The following LYN variants were observed in gnomAD, a reference collection of about 807,000 sequenced individuals.
LYN encodes the protein LYN proto-oncogene, Src family tyrosine kinase.
A neutral mutation model predicts 65.0 loss-of-function variants in LYN; 12 were observed. The ratio of observed to expected loss-of-function variants is 0.18; its 90% CI spans 0.12 to 0.30. LYN has a LOEUF of 0.30. Ranked by LOEUF, LYN falls within the 10% of genes least tolerant of loss-of-function variation. The probability of loss-of-function intolerance (pLI) is 1.00; values close to 1 mark genes in which losing one functional copy is unlikely to be tolerated. For synonymous variants in LYN, 222 were observed against 221.2 expected, an observed-to-expected ratio of 1.00 and a Z score of -0.03; for missense variants, 380 against 623.2, an observed-to-expected ratio of 0.61 and a Z score of 4.16.
chr8:55,932,113 G>A (rs1806287223), intron 1 of LYN, among the ~76,000 whole-genome samples: 1 of 152,062 alleles, frequency 6.6e-6, no homozygotes, highest in African/African-American at 2.4e-5. Context: ...CCTGAAATAA[G>A]GAAAGGAAGT....
At chr8:56,008,296 TC>T (rs911653726) in intron 12 of LYN, among the ~76,000 whole-genome samples, 3 of 152,114 alleles carry the variant, frequency 2.0e-5, no homozygotes, top group Non-Finnish European at 4.4e-5. Context: ...AAAAGCCATT[TC>T]CCCTGAAGCT....
At chr8:55,919,854 G>A (rs1289153299) in intron 1 of LYN, among the ~76,000 whole-genome samples, 1 of 151,386 alleles carries the variant, frequency 6.6e-6, no homozygotes, top group African/African-American at 2.4e-5. Context: ...AGGCAAAGAC[G>A]CTGCTTGGAG....
intron 1 of LYN, among the ~76,000 whole-genome samples, chr8:55,888,272 A>G (rs1804858503): frequency 6.6e-6 from 1 of 152,192 alleles, no homozygotes; most frequent in Non-Finnish European, 1.5e-5. Flanking sequence ...CTGAGGAAGG[A>G]CAGCCTGACT....
chr8:55,956,148 G>A (rs184023715), intron 8 of LYN, among the ~76,000 whole-genome samples: 6 of 151,602 alleles, frequency 4.0e-5, no homozygotes, highest in African/African-American at 1.5e-4. Flanking sequence ...TTCCTCCTTT[G>A]ATGTTTATAT....
chr8:55,938,056 A>G (rs1325308264), intron 1 of LYN, among the ~76,000 whole-genome samples: 1 of 152,222 alleles, frequency 6.6e-6, no homozygotes, highest in Non-Finnish European at 1.5e-5. Context: ...ATAAAATAAA[A>G]GAGGGATTAA....
chr8:55,914,420 A>G (rs568517534), intron 1 of LYN, among the ~76,000 whole-genome samples: 69 of 152,242 alleles, frequency 4.5e-4, no homozygotes, highest in Middle Eastern at 3.4e-3. Flanking sequence ...TGGAAGAAGA[A>G]AAAAGGAGAA....
chr8:55,896,452 A>T (rs927568567), intron 1 of LYN, among the ~76,000 whole-genome samples: 6 of 152,010 alleles, frequency 3.9e-5, no homozygotes, highest in Non-Finnish European at 7.4e-5. Context: ...GGAGCTGAAC[A>T]ATGAGAACAC....
intron 12 of LYN, among the ~76,000 whole-genome samples, chr8:56,002,274 C>T (rs1808534154): frequency 1.3e-5 from 2 of 152,032 alleles, no homozygotes; most frequent in South Asian, 4.1e-4. Flanking sequence ...AAACAATTAG[C>T]CAGGCGTGGT....
intron 1 of LYN, among the ~76,000 whole-genome samples, chr8:55,905,807 T>G (rs1285037302): frequency 2.6e-5 from 4 of 152,020 alleles, no homozygotes; most frequent in African/African-American, 9.7e-5. Context: ...GTGCATGAAG[T>G]CCCTTGCTCC....
chr8:55,911,068 T>C (rs867865161), intron 1 of LYN, among the ~76,000 whole-genome samples: 612 of 22,910 alleles, frequency 0.027, 38 homozygotes, highest in Non-Finnish European at 0.035. Flanking sequence ...GGCTAATTTA[T>C]ATATATATAC....
chr8:55,914,056 C>T (rs1435311897), intron 1 of LYN, among the ~76,000 whole-genome samples: 1 of 151,900 alleles, frequency 6.6e-6, no homozygotes, highest in African/African-American at 2.4e-5. Context: ...GATAAGTGGA[C>T]TAGCATGCAG....
chr8:55,897,222 TA>T (rs1185148692), intron 1 of LYN, among the ~76,000 whole-genome samples: 2 of 152,184 alleles, frequency 1.3e-5, no homozygotes, highest in African/African-American at 4.8e-5. Context: ...AACAGTACAT[TA>T]GAACTTTGAT....
intron 1 of LYN, among the ~76,000 whole-genome samples, chr8:55,906,699 C>T (rs1395070491): frequency 6.7e-6 from 1 of 149,746 alleles, no homozygotes; most frequent in East Asian, 1.9e-4. Context: ...GTAGCAAGAC[C>T]CAGTCTCTAC....
chr8:55,949,785 A>G (rs1806889870), intron 4 of LYN, among the ~76,000 whole-genome samples: 2 of 152,212 alleles, frequency 1.3e-5, no homozygotes, highest in African/African-American at 4.8e-5. Context: ...TCACAATACC[A>G]TACAATCCAT....
intron 1 of LYN, among the ~76,000 whole-genome samples, chr8:55,905,981 A>G (rs1012213388): frequency 6.6e-6 from 1 of 152,260 alleles, no homozygotes; most frequent in Non-Finnish European, 1.5e-5. Context: ...CAAGTGCAGC[A>G]TAGTTCTACA....
At chr8:55,886,778 C>G (rs371877776) in intron 1 of LYN, among the ~76,000 whole-genome samples, 1 of 152,256 alleles carries the variant, frequency 6.6e-6, no homozygotes, top group East Asian at 1.9e-4. Context: ...AGTTTCAGGG[C>G]ACATGTGATA....
chr8:56,005,908 A>G (rs1436655221), intron 12 of LYN, among the ~76,000 whole-genome samples: 1 of 152,082 alleles, frequency 6.6e-6, no homozygotes, highest in African/African-American at 2.4e-5. Context: ...ACATAGCAAA[A>G]CCCTGCCTCT....
In LYN at chr8:55,953,929, G is replaced by A. The variant is rs908759570; in HGVS notation, c.735G>A (p.Glu245=). 2 of 1,614,184 alleles carry A rather than the reference G, an allele frequency of 1.2e-6. No homozygotes were observed. Among genetic ancestry groups the A allele is most frequent in the African/African-American group, 1.3e-5 (1 of 75,054 alleles). The stretch of plus-strand genomic sequence containing the variant: ...AAGATGCCTGGGAGATCCCCCGGGA[G>A]TCCATCAAGTTGGTGAAAAGGCTTG... The part of the protein sequence containing the change: ...WDKDAWEIPR[E]SIKLVKRLGA... Residue 245 remains glutamate (E), a synonymous_variant, in exon 8 of 13, where the codon GAG becomes GAA. Transcript: ENST00000519728.
intron 2 of LYN, among the ~76,000 whole-genome samples, chr8:55,944,760 C>T (rs934857626): frequency 6.6e-5 from 10 of 152,202 alleles, no homozygotes; most frequent in African/African-American, 2.2e-4. Flanking sequence ...GGAATACAGG[C>T]GTGAGCCACC....
Sources: gnomAD v4.1 joint callset for allele counts (sites outside exome capture counted in the v4.1 genomes callset) on GRCh38, gnomAD v4.1.1 for gene constraint, MANE v1.5 for transcripts, NCBI Gene and HGNC (gene_info 2026-07-23, HGNC 2026-07-21) for gene names.